The following FRMD1 variants were observed in gnomAD, a reference collection of about 807,000 sequenced individuals.
FRMD1 encodes FERM domain containing 1.
Under a neutral mutation model 54.9 loss-of-function variants are expected in FRMD1, and 51 were observed. The ratio of observed to expected loss-of-function variants is 0.93; its 90% CI spans 0.74 to 1.17. FRMD1 has a LOEUF of 1.17. Ranked by LOEUF, FRMD1 falls within the 50% of genes most tolerant of loss-of-function variation. FRMD1 has a pLI of 0.00. For synonymous variants in FRMD1, 324 were observed against 306.4 expected (o/e 1.06, Z -0.60); for missense variants, 729 against 743.0 (o/e 0.98, Z 0.22).
chr6:168,064,135 G>A (rs2114973528), intron 5 of FRMD1, among the ~76,000 whole-genome samples: 1 of 152,346 alleles, frequency 6.6e-6, no homozygotes, highest in South Asian at 2.1e-4. Context: ...ACTGAGGGTG[G>A]AAATGTGCTC....
chr6:168,061,178 G>T (rs746827193), intron 8 of FRMD1, 121 bp from the exon 9 acceptor site: 20 of 1,002,356 alleles, frequency 2.0e-5, no homozygotes, highest in Non-Finnish European at 2.9e-5. Context: ...CGTGGAACAG[G>T]CAGGGAGACC....
At chr6:168,091,963 T>C (rs1336435077) in intron 1 of FRMD1, among the ~76,000 whole-genome samples, 1 of 152,244 alleles carries the variant, frequency 6.6e-6, no homozygotes, top group Non-Finnish European at 1.5e-5. Flanking sequence ...CGTTCAGGTG[T>C]CCAGCACAGG....
In FRMD1 at chr6:168,075,340, A is replaced by G; in HGVS notation, c.214-5T>C. The G allele has an allele frequency of 1.2e-6, 2 of 1,611,652 alleles. No individual in the cohort carries two copies. The highest frequency in any genetic ancestry group is 1.7e-6 in the Non-Finnish European group (2 of 1,179,536). ...CTCGCGGCCAGTAGCCTTCACCTGC[A>G]AAAGAGGTGGGGAGGGGTTCAGGGA... On this transcript the variant is annotated splice_region_variant and splice_polypyrimidine_tract_variant and intron_variant, in intron 1 of 10. Coordinates refer to ENST00000283309, the MANE Select transcript of FRMD1 (RefSeq NM_024919.6).
chr6:168,069,842 G>A (rs1384075040), intron 2 of FRMD1, among the ~76,000 whole-genome samples: 4 of 152,194 alleles, frequency 2.6e-5, no homozygotes, highest in Non-Finnish European at 4.4e-5. Context: ...CACCTCTGGT[G>A]ATGGGCGCAC....
intron 1 of FRMD1, among the ~76,000 whole-genome samples, chr6:168,091,259 C>T (rs546854243): frequency 3.3e-5 from 5 of 152,352 alleles, no homozygotes; most frequent in Middle Eastern, 3.4e-3. Flanking sequence ...TGCGCCTTCC[C>T]GACACAGGGC....
rs779912411 is a variant in FRMD1, at chr6:168,078,885, C to G, written c.210G>C (p.Val70=). 25 of 1,584,420 alleles carry G rather than the reference C, an allele frequency of 1.6e-5. No homozygotes were observed. The South Asian group carries it at 2.7e-4, about 17-fold the overall frequency. Residue 70 remains valine (V), a synonymous_variant, in exon 1 of 11, where the codon GTG becomes GTC. Transcript: ENST00000283309. ...LPSREQLRLA[V]GVKATGRELF... ...GGCCACCCAGGGCCCTGCTCACCCC[C>G]ACGGCCAGCCGCAGTTGCTCCCGGC...
Position 168,063,660 on chromosome 6 carries a change from A to G in FRMD1, c.745T>C (p.Phe249Leu), listed in dbSNP as rs749908389. ...GLSPKEAMLC[F>L]IQEACRLEDV... is the part of the protein sequence containing the mutation. The stretch of plus-strand genomic sequence containing the variant: ...TCCAGCCGGCAGGCCTCCTGGATGA[A>G]GCACAGCATGGCCTCCTTGGGGCTC... Residue 249 changes from phenylalanine to leucine, a missense_variant, in exon 6 of 11, where the codon TTC becomes CTC. Transcript: ENST00000283309. 6.2e-7 allele frequency: 1 copy of G among 1,613,818 alleles called. No individual in the cohort carries two copies. The highest frequency in any genetic ancestry group is 8.5e-7 in the Non-Finnish European group (1 of 1,179,862).
At chr6:168,076,444 G>A (rs1007741638) in intron 1 of FRMD1, among the ~76,000 whole-genome samples, 1 of 152,226 alleles carries the variant, frequency 6.6e-6, no homozygotes, top group Non-Finnish European at 1.5e-5. Flanking sequence ...TTCCTGTGCT[G>A]TGAGAGTGAG....
chr6:168,063,702 G>A lies in FRMD1; in HGVS notation c.703C>T (p.Arg235Cys), dbSNP rs142892895. Residue 235 changes from arginine (R) to cysteine (C), a missense_variant, in exon 6 of 11, where the codon CGT becomes TGT. Transcript: ENST00000283309. ...TTGGGGCTCAGGCCCTGGCGCTCACGGTGCAGGGTAGGCATGTGCCGGAGG... is the reference window on the plus strand; with the variant it reads ...TTGGGGCTCAGGCCCTGGCGCTCACAGTGCAGGGTAGGCATGTGCCGGAGG... ...YILRHMPTLH[R>C]ERQGLSPKEA... 4.8e-5 allele frequency: 77 copies of A among 1,613,874 alleles called. No individual in the cohort carries two copies. The African/African-American group carries it at 8.8e-4, about 18-fold the overall frequency.
intron 10 of FRMD1, 145 bp from the exon 11 acceptor site, chr6:168,057,484 G>T: frequency 8.1e-7 from 1 of 1,231,130 alleles, no homozygotes; most frequent in Admixed American, 2.4e-5. Flanking sequence ...CCTGCCCCTG[G>T]ACGGGTCCCC....
At chr6:168,081,236 GC>G, upstream of FRMD1, 1 of 1,004,882 alleles carries the variant, frequency 1.0e-6, no homozygotes, top group Non-Finnish European at 1.3e-6. Context: ...AGTACCTCCC[GC>G]CAGGGCACTG....
At chr6:168,082,361 C>T (rs112886052), upstream of FRMD1, among the ~76,000 whole-genome samples, 5 of 152,320 alleles carry the variant, frequency 3.3e-5, no homozygotes, top group African/African-American at 9.6e-5. Context: ...CCCCCACCAT[C>T]GAGCCTGTAC....
Position 168,079,071 on chromosome 6 carries a change from C to G in FRMD1, c.24G>C (p.Arg8Ser), listed in dbSNP as rs1800749838. 6.2e-7 allele frequency: 1 copy of G among 1,607,542 alleles called. No homozygotes were observed. Among genetic ancestry groups the G allele is most frequent in the Non-Finnish European group, 8.5e-7 (1 of 1,179,380 alleles). The change falls in exon 1 of 11, where the codon AGG (arginine) becomes AGC (serine). Residue 8 changes from arginine to serine, a missense_variant. Physicochemically the swap from Arg to Ser is moderately radical, Grantham distance 110. Coordinates refer to ENST00000283309, the MANE Select transcript of FRMD1 (RefSeq NM_024919.6). MAVPPRGRGIDPARTNPD... is the reference protein window; with the variant it reads MAVPPRGSGIDPARTNPD... ...GGTTTGTCCGGGCGGGGTCTATGCC[C>G]CTCCCTCTCGGGGGCACCGCCATGC...
upstream of FRMD1, among the ~76,000 whole-genome samples, chr6:168,086,520 C>A (rs1800923374): frequency 6.8e-6 from 1 of 148,048 alleles, no homozygotes; most frequent in Non-Finnish European, 1.5e-5. Context: ...TGGACACTGC[C>A]CATGTTCCAG....
chr6:168,084,423 C>T (rs778109682), upstream of FRMD1, among the ~76,000 whole-genome samples: 5 of 152,252 alleles, frequency 3.3e-5, no homozygotes, highest in Non-Finnish European at 5.9e-5. Context: ...CCAACAATTA[C>T]AGAATGCCCC....
At chr6:168,068,405 G>A (rs537553427) in intron 2 of FRMD1, among the ~76,000 whole-genome samples, 1 of 152,126 alleles carries the variant, frequency 6.6e-6, no homozygotes, top group Non-Finnish European at 1.5e-5. Flanking sequence ...TGTCTGCTGG[G>A]AACTGGTTCC....
At chr6:168,071,650 A>G (rs1177136945) in intron 2 of FRMD1, among the ~76,000 whole-genome samples, 1 of 152,224 alleles carries the variant, frequency 6.6e-6, no homozygotes, top group Non-Finnish European at 1.5e-5. Flanking sequence ...GGGGACAGGG[A>G]GAAAGGGGAC....
chr6:168,074,223 C>T (rs1187033479), intron 2 of FRMD1, among the ~76,000 whole-genome samples: 1 of 152,106 alleles, frequency 6.6e-6, no homozygotes, highest in African/African-American at 2.4e-5. Context: ...GGGGACCGGC[C>T]CCACTCCCCT....
At chr6:168,087,569 G>C (rs6455481) in intron 1 of FRMD1, among the ~76,000 whole-genome samples, 75,834 of 152,078 alleles carry the variant, frequency 0.5, 19,074 homozygotes, top group African/African-American at 0.57. Flanking sequence ...GTCCAGGTGA[G>C]GGTGCAGTGG....
Sources: gnomAD v4.1 joint callset for allele counts (sites outside exome capture counted in the v4.1 genomes callset) on GRCh38, gnomAD v4.1.1 for gene constraint, MANE v1.5 for transcripts, NCBI Gene and HGNC (gene_info 2026-07-23, HGNC 2026-07-21) for gene names.